SLC6A11: variants seen among roughly 807,000 people sequenced by gnomAD.
SLC6A11 encodes solute carrier family 6 member 11.
SLC6A11 carries 25 observed loss-of-function variants against 74.8 expected under a neutral mutation model. The ratio of observed to expected loss-of-function variants is 0.33; its 90% CI spans 0.24 to 0.47. SLC6A11 has a LOEUF of 0.47. SLC6A11 is among the 20% of genes least tolerant of loss of function. SLC6A11 has a pLI of 1.00. For missense variants in SLC6A11, 574 were observed against 837.0 expected (o/e 0.69, Z 3.88); for synonymous variants, 330 against 330.2 (o/e 1.00, Z 0.01).
chr3:10,843,290 C>T (rs2106585074), intron 4 of SLC6A11, among the ~76,000 whole-genome samples: 1 of 152,184 alleles, frequency 6.6e-6, no homozygotes, highest in Middle Eastern at 3.4e-3. Context: ...TGGCCTGGGC[C>T]CTCTGGGAAG....
At chr3:10,845,987 G>T (rs1694497839) in intron 5 of SLC6A11, among the ~76,000 whole-genome samples, 1 of 152,058 alleles carries the variant, frequency 6.6e-6, no homozygotes, top group South Asian at 2.1e-4. Context: ...CATGACCTTG[G>T]GCATGTTGCT....
chr3:10,846,717 A>G (rs3774121), intron 5 of SLC6A11, among the ~76,000 whole-genome samples: 17,178 of 152,160 alleles, frequency 0.11, 1,051 homozygotes, highest in South Asian at 0.18. Context: ...ACACTTATCC[A>G]CTGCCTTCCA....
In SLC6A11 at chr3:10,934,988, G is replaced by T. The variant is rs190842175; in HGVS notation, c.1576-41G>T. On this transcript the variant is annotated intron_variant, in intron 12 of 13. Coordinates refer to ENST00000254488, the MANE Select transcript of SLC6A11 (RefSeq NM_014229.3). ...AGACCCCTCATGGCCTAGCAGGGCT[G>T]AGGGCCCATCCCCCAGGCACCTGCC... The T allele has an allele frequency of 7.8e-4, 1,233 of 1,579,958 alleles. 7 individuals are homozygous for T. The East Asian group carries it at 0.012, about 16-fold the overall frequency.
At chr3:10,847,736 AGC>A (rs1694522031) in intron 5 of SLC6A11, among the ~76,000 whole-genome samples, 1 of 152,196 alleles carries the variant, frequency 6.6e-6, no homozygotes, top group African/African-American at 2.4e-5. Flanking sequence ...TTGATAGGTA[AGC>A]TTTTCAGGGG....
chr3:10,874,848 G>A (rs987900845), intron 5 of SLC6A11, 113 bp from the exon 6 acceptor site: 5 of 1,082,910 alleles, frequency 4.6e-6, no homozygotes, highest in Non-Finnish European at 6.6e-6. Context: ...ATGCTGGTCA[G>A]CCTTGGGAGA....
At position 10,933,264 on chromosome 3, in the gene SLC6A11, GC is replaced by G; in HGVS notation, c.1474+13del. ...TCGGCTGGGTGTATGGTGAGTAGCA[GC>G]CAAGCCCGTCCACACCCCAGCTGCC... On this transcript the variant is annotated intron_variant, in intron 11 of 13. Transcript: ENST00000254488. 1 of 1,599,278 alleles carries G rather than the reference GC, an allele frequency of 6.3e-7. No individual in the cohort carries two copies. The highest frequency in any genetic ancestry group is 8.6e-7 in the Non-Finnish European group (1 of 1,166,568).
chr3:10,863,490 G>A (rs752059250), intron 5 of SLC6A11, among the ~76,000 whole-genome samples: 2 of 152,208 alleles, frequency 1.3e-5, no homozygotes, highest in South Asian at 2.1e-4. Context: ...CCAAAAGTCA[G>A]CCACATGCAC....
At chr3:10,892,569 CT>C (rs538633528) in intron 6 of SLC6A11, among the ~76,000 whole-genome samples, 4,308 of 137,740 alleles carry the variant, frequency 0.031, 147 homozygotes, top group African/African-American at 0.09. Flanking sequence ...CACTGTCTTC[CT>C]TTTTTTTTTT....
intron 6 of SLC6A11, among the ~76,000 whole-genome samples, chr3:10,903,461 A>G (rs1218715968): frequency 1.3e-5 from 2 of 152,130 alleles, no homozygotes; most frequent in Non-Finnish European, 2.9e-5. Context: ...CAGATGTTGT[A>G]TGAGAGCTTA....
chr3:10,830,026 A>G (rs1694274001), intron 4 of SLC6A11, among the ~76,000 whole-genome samples: 2 of 152,166 alleles, frequency 1.3e-5, no homozygotes, highest in Non-Finnish European at 2.9e-5. Context: ...TCCATGAAGA[A>G]GCACACAGCC....
At chr3:10,904,357 G>T (rs971609809) in intron 6 of SLC6A11, among the ~76,000 whole-genome samples, 2 of 152,184 alleles carry the variant, frequency 1.3e-5, no homozygotes, top group Non-Finnish European at 2.9e-5. Context: ...AGGTGAGGTT[G>T]CCCCAGAGCT....
intron 6 of SLC6A11, among the ~76,000 whole-genome samples, chr3:10,904,797 A>G (rs1250313234): frequency 6.6e-6 from 1 of 152,210 alleles, no homozygotes; most frequent in Non-Finnish European, 1.5e-5. Context: ...TGTAAAGTAT[A>G]GAGCCAGAAC....
At chr3:10,834,093 A>G (rs933991080) in intron 4 of SLC6A11, among the ~76,000 whole-genome samples, 3 of 152,202 alleles carry the variant, frequency 2.0e-5, no homozygotes, top group Non-Finnish European at 4.4e-5. Flanking sequence ...GTATCAGTAT[A>G]TGAGTTCTCA....
chr3:10,836,962 C>T (rs1263747065), intron 4 of SLC6A11, among the ~76,000 whole-genome samples: 3 of 152,188 alleles, frequency 2.0e-5, no homozygotes, highest in Non-Finnish European at 4.4e-5. Flanking sequence ...AGACAGTATG[C>T]CTTGCGAGAC....
At chr3:10,897,519 T>C (rs1437358502) in intron 6 of SLC6A11, among the ~76,000 whole-genome samples, 1 of 152,186 alleles carries the variant, frequency 6.6e-6, no homozygotes, top group Non-Finnish European at 1.5e-5. Flanking sequence ...AAGTCTGAAA[T>C]CCAGCAGGGC....
At chr3:10,847,243 A>G (rs559897645) in intron 5 of SLC6A11, among the ~76,000 whole-genome samples, 24 of 152,298 alleles carry the variant, frequency 1.6e-4, no homozygotes, top group African/African-American at 5.3e-4. Flanking sequence ...TATGTCCTGG[A>G]TAGGCTACTG....
At chr3:10,820,683 A>G (rs1694126572) in intron 3 of SLC6A11, among the ~76,000 whole-genome samples, 1 of 152,234 alleles carries the variant, frequency 6.6e-6, no homozygotes, top group South Asian at 2.1e-4. Flanking sequence ...CAAGAAAGGC[A>G]TATCCCTGCC....
At chr3:10,909,104 C>A (rs536689313) in intron 6 of SLC6A11, among the ~76,000 whole-genome samples, 1 of 120,420 alleles carries the variant, frequency 8.3e-6, no homozygotes, top group East Asian at 2.8e-4. Flanking sequence ...GCTTAACATC[C>A]CCAGCAAAAA....
chr3:10,882,857 G>GAATATCGGCCGCACAA (rs1184539193), intron 6 of SLC6A11, among the ~76,000 whole-genome samples: 1 of 152,200 alleles, frequency 6.6e-6, no homozygotes, highest in Non-Finnish European at 1.5e-5. Context: ...TTGTGGGTAA[G>GAATATCGGCCGCACAA]AATATCGGCC....
Sources: gnomAD v4.1 joint callset for allele counts (sites outside exome capture counted in the v4.1 genomes callset) on GRCh38, gnomAD v4.1.1 for gene constraint, MANE v1.5 for transcripts, NCBI Gene and HGNC (gene_info 2026-07-23, HGNC 2026-07-21) for gene names.